Variants in IL4I1 observed in about 807,000 individuals in gnomAD.
The protein encoded by IL4I1 is interleukin 4 induced 1.
IL4I1 carries 24 observed loss-of-function variants against 29.7 expected under a neutral mutation model. The ratio of observed to expected loss-of-function variants is 0.81; its 90% CI spans 0.59 to 1.14. The LOEUF is 1.14. IL4I1 is among the 50% of genes most tolerant of loss of function. The probability of loss-of-function intolerance (pLI) is 0.00; values close to 1 mark genes in which losing one functional copy is unlikely to be tolerated. For missense variants in IL4I1, 686 were observed against 785.6 expected, an observed-to-expected ratio of 0.87 and a Z score of 1.52; for synonymous variants, 371 against 352.5, an observed-to-expected ratio of 1.05 and a Z score of -0.59.
At chr19:49,926,970 C>T (rs1177007788) in intron 2 of IL4I1, among the ~76,000 whole-genome samples, 1 of 151,810 alleles carries the variant, frequency 6.6e-6, no homozygotes, top group Non-Finnish European at 1.5e-5. Context: ...AGTGATCCTC[C>T]TGCCTTAGCC....
Position 49,890,960 on chromosome 19 carries a change from C to T in IL4I1, c.773+11G>A. 1 of 1,455,944 alleles carries T rather than the reference C, an allele frequency of 6.9e-7. No individual in the cohort carries two copies. Among genetic ancestry groups the T allele is most frequent in the East Asian group, 2.6e-5 (1 of 39,150 alleles). The allele number at this position is 1,455,944 out of a possible 1,614,324, so 90.2% of individuals were successfully genotyped here. A position where few individuals can be genotyped will look rare whatever the true frequency, so the allele number is the denominator to read the frequency against. ...CGCCCCCCCCCCCTGCCCGCCAGCC[C>T]CGCCCCTTACTGGAGTCTGTCGCTG... is the stretch of plus-strand genomic sequence containing the variant. On this transcript the variant is annotated intron_variant, in intron 7 of 7. Coordinates refer to ENST00000391826, the MANE Select transcript of IL4I1 (RefSeq NM_152899.2).
intron 2 of IL4I1, among the ~76,000 whole-genome samples, chr19:49,920,522 AACCAACCAACCG>A (rs1188421157): frequency 6.6e-6 from 1 of 152,218 alleles, no homozygotes; most frequent in African/African-American, 2.4e-5. Flanking sequence ...AAAGCCACTC[AACCAACCAACCG>A]ACCAACCAAC....
intron 2 of IL4I1, chr19:49,917,927 G>A (rs2075665875): frequency 6.6e-6 from 1 of 152,356 alleles, no homozygotes; most frequent in Admixed American, 6.5e-5. Flanking sequence ...AGCTACTCGA[G>A]AGGCTGAGGC....
In IL4I1 at chr19:49,890,570, C is replaced by G; in HGVS notation, c.804G>C (p.Leu268=). 1.3e-6 allele frequency: 2 copies of G among 1,585,458 alleles called. No individual in the cohort carries two copies. The highest frequency in any genetic ancestry group is 1.7e-6 in the Non-Finnish European group (2 of 1,169,250). The change falls in exon 8 of 8, where the codon CTG becomes CTC. Residue 268 remains leucine, a synonymous_variant. Coordinates refer to ENST00000391826, the MANE Select transcript of IL4I1 (RefSeq NM_152899.2). ...GCGAGCTCAGCAGCGCGCGCGGCAG[C>G]AGGTCCCAGCCACCCACGATGCGGC... ...QYSRIVGGWD[L]LPRALLSSLS... is the part of the protein sequence containing the mutation.
intron 2 of IL4I1, among the ~76,000 whole-genome samples, chr19:49,910,058 A>C (rs2075424230): frequency 6.6e-6 from 1 of 152,062 alleles, no homozygotes; most frequent in Non-Finnish European, 1.5e-5. Context: ...AGCACGCCCC[A>C]GGGGTCAGGT....
intron 2 of IL4I1, chr19:49,912,881 A>G (rs1419428365): frequency 1.3e-5 from 2 of 152,248 alleles, no homozygotes; most frequent in African/African-American, 4.8e-5. Flanking sequence ...GAAAGAAAGG[A>G]GACCTACCAT....
chr19:49,889,827 C>G lies in IL4I1; in HGVS notation c.1547G>C (p.Ser516Thr). The G allele has an allele frequency of 6.4e-7, 1 of 1,566,158 alleles. No individual in the cohort carries two copies. Among genetic ancestry groups the G allele is most frequent in the Non-Finnish European group, 8.7e-7 (1 of 1,155,272 alleles). ...CATGTCAGATGCGTGCCCCTCGGGGCTGGCCGTGTCCGATGCAGGCCCCTT... is the reference window on the plus strand; with the variant it reads ...CATGTCAGATGCGTGCCCCTCGGGGGTGGCCGTGTCCGATGCAGGCCCCTT... The part of the protein sequence containing the change: ...SRKGPASDTA[S>T]PEGHASDMEG... Residue 516 changes from serine to threonine, a missense_variant, in exon 8 of 8, where the codon AGC becomes ACC. By Grantham distance (58) the Ser-to-Thr change is moderately conservative. Coordinates refer to ENST00000391826, the MANE Select transcript of IL4I1 (RefSeq NM_152899.2).
upstream of IL4I1, among the ~76,000 whole-genome samples, chr19:49,897,642 G>A (rs2075228457): frequency 6.6e-6 from 1 of 152,200 alleles, no homozygotes; most frequent in Non-Finnish European, 1.5e-5. Flanking sequence ...AGAGGGAAGC[G>A]CCCAGGCTTC....
At chr19:49,925,467 G>GA in intron 2 of IL4I1, among the ~76,000 whole-genome samples, 1 of 124,808 alleles carries the variant, frequency 8.0e-6, no homozygotes, top group Non-Finnish European at 1.6e-5. Context: ...AAAAAAAATA[G>GA]CATCCTACCT....
chr19:49,907,537 C>CTTTTT (rs4009637), intron 2 of IL4I1: 54 of 332,780 alleles, frequency 1.6e-4, no homozygotes, highest in Middle Eastern at 1.1e-3. Context: ...CTGGGAGTTT[C>CTTTTT]TTTTTTTTTT....
intron 3 of IL4I1, among the ~76,000 whole-genome samples, chr19:49,902,610 C>T (rs1392143311): frequency 1.3e-5 from 2 of 151,832 alleles, no homozygotes; most frequent in Non-Finnish European, 2.9e-5. Context: ...AGCGGATCAC[C>T]TGAGGTCAGG....
chr19:49,915,853 A>G (rs2075610398), intron 2 of IL4I1, among the ~76,000 whole-genome samples: 1 of 152,242 alleles, frequency 6.6e-6, no homozygotes, highest in South Asian at 2.1e-4. Flanking sequence ...ACACCCAGCC[A>G]CGATAGGCCA....
At chr19:49,906,313 ATCCT>A (rs1461013076) in intron 2 of IL4I1, among the ~76,000 whole-genome samples, 2 of 152,112 alleles carry the variant, frequency 1.3e-5, no homozygotes, top group Admixed American at 6.5e-5. Flanking sequence ...GGCTTAAATG[ATCCT>A]TCCATCTCAG....
chr19:49,906,653 C>T (rs1318745101), intron 2 of IL4I1, among the ~76,000 whole-genome samples: 1 of 152,244 alleles, frequency 6.6e-6, no homozygotes, highest in East Asian at 1.9e-4. Context: ...GTCTATTACT[C>T]TGTCTCATCA....
rs377596486 is a variant in IL4I1, at chr19:49,908,717, G to A, written c.-227-4396C>T. ...GATCTTTTCTCCATTCTCGATCAGC[G>A]TGCGGTCCCAGGCGTTGACCTGGGT... On this transcript the variant is annotated intron_variant, in intron 2 of 9. Coordinates refer to the IL4I1 transcript ENST00000341114. 20 of 1,612,780 alleles carry A rather than the reference G, an allele frequency of 1.2e-5. No individual in the cohort carries two copies. The highest frequency in any genetic ancestry group is 3.3e-5 in the Admixed American group (2 of 60,002).
At position 49,891,032 on chromosome 19, in the gene IL4I1, A is replaced by C; in HGVS notation, c.712T>G (p.Phe238Val). Reference protein sequence around the residue: ...LLGDVMSEDGFFYLSFAEALR... With the variant: ...LLGDVMSEDGVFYLSFAEALR... The stretch of plus-strand genomic sequence containing the variant: ...GCCTCGGCGAAGCTGAGATAGAAGA[A>C]GCCATCCTCGGACATCACGTCTCCC... Residue 238 changes from phenylalanine to valine, a missense_variant, in exon 7 of 8, where the codon TTC (phenylalanine) becomes GTC (valine). By Grantham distance (50) the Phe-to-Val change is conservative. Coordinates refer to ENST00000391826, the MANE Select transcript of IL4I1 (RefSeq NM_152899.2). The C allele has an allele frequency of 6.2e-7, 1 of 1,612,278 alleles. No individual in the cohort carries two copies. Among genetic ancestry groups the C allele is most frequent in the Non-Finnish European group, 8.5e-7 (1 of 1,179,670 alleles).
chr19:49,898,477 A>G (rs2075239788), upstream of IL4I1, among the ~76,000 whole-genome samples: 1 of 152,218 alleles, frequency 6.6e-6, no homozygotes, highest in African/African-American at 2.4e-5. Context: ...TTTCTCTAAA[A>G]AAGAAAAAAA....
At chr19:49,917,935 G>A (rs2075666028) in intron 2 of IL4I1, 1 of 152,376 alleles carries the variant, frequency 6.6e-6, no homozygotes, top group African/African-American at 2.4e-5. Context: ...GAGAGGCTGA[G>A]GCGGAGGTTG....
Position 49,919,469 on chromosome 19 carries a change from G to A in IL4I1, c.-228+8225C>T, listed in dbSNP as rs114244696. Among the ~76,000 whole-genome samples the A allele has an allele frequency of 5.0e-3, 755 of 152,296 alleles. 11 individuals carry two copies. Among genetic ancestry groups the A allele is most frequent in the African/African-American group, 0.017 (723 of 41,568 alleles). ...TCACCCGGGTAGATGAGGAAACCGA[G>A]GCCCTCAGAGGGGGCGACTTGCCCA... On this transcript the variant is annotated intron_variant, in intron 2 of 9. Coordinates refer to the IL4I1 transcript ENST00000341114.
Sources: allele counts gnomAD v4.1 joint callset (sites outside exome capture counted in the v4.1 genomes callset), GRCh38; gene constraint gnomAD v4.1.1; transcripts MANE v1.5; gene names NCBI Gene and HGNC (gene_info 2026-07-23, HGNC 2026-07-21).